Variants in DNASE1 observed in about 807,000 individuals in gnomAD.
The protein encoded by DNASE1 is deoxyribonuclease-1.
In DNASE1, 40 loss-of-function variants were observed where a neutral mutation model predicts 33.9. That is an observed-to-expected ratio of 1.18 (90% CI 0.92 to 1.54). DNASE1 has a LOEUF of 1.54. Ranked by LOEUF, DNASE1 falls within the 40% of genes most tolerant of loss-of-function variation. DNASE1 has a pLI of 0.00. For missense variants in DNASE1, 518 were observed against 372.6 expected (o/e 1.39, Z -3.21); for synonymous variants, 216 against 160.0 (o/e 1.35, Z -2.64).
Position 3,656,694 on chromosome 16 carries a change from G to T in DNASE1, c.377G>T (p.Cys126Phe), listed in dbSNP as rs1299360397. The change falls in exon 5 of 9, where the codon TGC (cysteine) becomes TTC (phenylalanine). Residue 126 changes from cysteine (C) to phenylalanine (F), a missense_variant. Cys to Phe is a radical substitution (Grantham distance 205). Transcript: ENST00000246949. ...TACTACGATGATGGCTGCGAGCCCT[G>T]CGGGAACGACACCTTCAACCGAGAG... ...SYYYDDGCEP[C>F]GNDTFNREPA... 1 of 1,613,276 alleles carries T rather than the reference G, an allele frequency of 6.2e-7. No individual in the cohort carries two copies. Among genetic ancestry groups the T allele is most frequent in the African/African-American group, 1.3e-5 (1 of 74,914 alleles).
chr16:3,662,054 G>A (rs2043109661), downstream of DNASE1: 9 of 1,613,476 alleles, frequency 5.6e-6, no homozygotes, highest in Middle Eastern at 1.7e-4. Context: ...GCCAGCTGCT[G>A]CATGCGCAGG....
chr16:3,623,171 A>G (rs773124841), intron 1 of DNASE1, among the ~76,000 whole-genome samples: 1 of 152,188 alleles, frequency 6.6e-6, no homozygotes, highest in African/African-American at 2.4e-5. Context: ...CAGAATAGAG[A>G]ACCCAGAAGT....
At chr16:3,645,398 G>C (rs868371728) in intron 1 of DNASE1, among the ~76,000 whole-genome samples, 1 of 152,202 alleles carries the variant, frequency 6.6e-6, no homozygotes, top group African/African-American at 2.4e-5. Flanking sequence ...GTTGCAGTTC[G>C]CCTTGTGGCT....
downstream of DNASE1, chr16:3,658,191 C>G (rs61756352): frequency 1.9e-6 from 3 of 1,613,922 alleles, no homozygotes; most frequent in East Asian, 2.2e-5. Context: ...GCCCTAGGGT[C>G]GTCAACAAGT....
intron 4 of DNASE1, among the ~76,000 whole-genome samples, 189 bp from the exon 5 acceptor site, chr16:3,656,449 G>A (rs1278779732): frequency 3.5e-5 from 4 of 113,538 alleles, no homozygotes; most frequent in Admixed American, 8.2e-5. Flanking sequence ...CCTGGGTCCC[G>A]GACCAATGGG....
Position 3,657,322 on chromosome 16 carries a change from A to G in DNASE1, c.685A>G (p.Thr229Ala). 1 of 1,613,498 alleles carries G rather than the reference A, an allele frequency of 6.2e-7. No homozygotes were observed. Among genetic ancestry groups the G allele is most frequent in the Non-Finnish European group, 8.5e-7 (1 of 1,180,006 alleles). The part of the protein sequence containing the change: ...PDSADTTATP[T>A]HCAYDRIVVA... ...CAGCGCTGACACCACAGCTACACCC[A>G]CGCACTGTGCCTATGACAGGTGAGC... The change falls in exon 7 of 9, where the codon ACG (threonine) becomes GCG (alanine). Residue 229 changes from threonine (T) to alanine (A), a missense_variant. Transcript: ENST00000246949.
chr16:3,635,708 G>GTT (rs544957481), intron 1 of DNASE1, among the ~76,000 whole-genome samples: 1 of 143,364 alleles, frequency 7.0e-6, no homozygotes, highest in African/African-American at 2.5e-5. Context: ...GGTTAATAGG[G>GTT]TTTTTTTTTT....
chr16:3,638,360 C>T (rs1218347981), upstream of DNASE1, among the ~76,000 whole-genome samples: 17 of 152,030 alleles, frequency 1.1e-4, no homozygotes, highest in South Asian at 1.5e-3. Flanking sequence ...TTTTTTGAGG[C>T]GGAGTCTCGC....
chr16:3,640,928 G>A (rs1412002223), upstream of DNASE1: 2 of 398,534 alleles, frequency 5.0e-6, no homozygotes, highest in Non-Finnish European at 8.8e-6. Context: ...CAGAGCCACT[G>A]TCCTGTCTCG....
intron 1 of DNASE1, among the ~76,000 whole-genome samples, chr16:3,612,705 G>A (rs2040943292): frequency 6.6e-6 from 1 of 152,030 alleles, no homozygotes; most frequent in Non-Finnish European, 1.5e-5. Flanking sequence ...CACCACGCCC[G>A]GCGTAAGATT....
chr16:3,655,823 C>G (rs770814365), intron 2 of DNASE1, 26 bp from the exon 3 acceptor site: 2 of 1,612,330 alleles, frequency 1.2e-6, no homozygotes, highest in Non-Finnish European at 1.7e-6. Flanking sequence ...CAGCCCTGCT[C>G]AGCACCACTG....
intron 1 of DNASE1, among the ~76,000 whole-genome samples, chr16:3,633,452 CA>C (rs1194763787): frequency 1.3e-5 from 2 of 152,008 alleles, no homozygotes; most frequent in East Asian, 1.9e-4. Context: ...ACTAAAAATA[CA>C]AAAAATTAGC....
In DNASE1 at chr16:3,657,735, G is replaced by A. The variant is rs917627621; in HGVS notation, c.720G>A (p.Gly240=). Residue 240 remains glycine, a synonymous_variant, in exon 8 of 9, where the codon GGG becomes GGA. Transcript: ENST00000246949. ...HCAYDRIVVA[G]MLLRGAVVPD... is the part of the protein sequence containing the mutation. ...CACCCATCAGGATCGTGGTTGCAGGGATGCTGCTCCGAGGCGCCGTTGTTC... is the reference window on the plus strand; with the variant it reads ...CACCCATCAGGATCGTGGTTGCAGGAATGCTGCTCCGAGGCGCCGTTGTTC... 5.0e-6 allele frequency: 8 copies of A among 1,613,934 alleles called. No individual in the cohort carries two copies. Among genetic ancestry groups the A allele is most frequent in the South Asian group, 4.4e-5 (4 of 91,084 alleles).
chr16:3,635,198 C>G (rs994086213), intron 1 of DNASE1, among the ~76,000 whole-genome samples: 1 of 152,004 alleles, frequency 6.6e-6, no homozygotes, highest in African/African-American at 2.4e-5. Context: ...TGGCTTTTGC[C>G]TGTAATCCCA....
chr16:3,654,132 CA>C (rs1052571579), upstream of DNASE1: 17 of 369,306 alleles, frequency 4.6e-5, no homozygotes, highest in African/African-American at 3.5e-4. Context: ...AAACCCAAAA[CA>C]AAAGAACCAA....
Position 3,618,250 on chromosome 16 carries a change from TAAAA to T in DNASE1, c.-1359+6259_-1359+6262del, listed in dbSNP as rs34169414. ...CATGGCCAGTAGGACAGCCATTTCC[TAAAA>T]AAAAAAAAAAAAAAGTATTGGTGAG... is the stretch of plus-strand genomic sequence containing the variant. On this transcript the variant is annotated intron_variant and NMD_transcript_variant, in intron 1 of 11. Transcript: ENST00000570769. Among the ~76,000 whole-genome samples, 4 of 120,228 alleles carry T rather than the reference TAAAA, an allele frequency of 3.3e-5. No homozygotes were observed. The Admixed American group carries it at 3.5e-4, about 10-fold the overall frequency. The allele number at this position is 120,228 out of a possible 152,430, so 78.9% of individuals were successfully genotyped here.
Position 3,664,463 on chromosome 16 carries a change from G to C in DNASE1, c.*6510G>C, listed in dbSNP as rs1383183267. 29 of 1,607,296 alleles carry C rather than the reference G, an allele frequency of 1.8e-5. No homozygotes were observed. The East Asian group carries it at 6.3e-4, about 35-fold the overall frequency. ...GCAGCAGCTTTGCTATGTCCTCCTA[G>C]AAGGGACGGGGCAGGTCACCACTTA... On this transcript the variant is annotated 3_prime_UTR_variant, in exon 10 of 10. Coordinates refer to the DNASE1 transcript ENST00000407479.
At chr16:3,635,784 A>G (rs2041852276) in intron 1 of DNASE1, among the ~76,000 whole-genome samples, 1 of 151,706 alleles carries the variant, frequency 6.6e-6, no homozygotes, top group Non-Finnish European at 1.5e-5. Context: ...AAGAAGTGTG[A>G]TGTAATTCTT....
At position 3,631,466 on chromosome 16, in the gene DNASE1, A is replaced by C. The variant is rs543609901; in HGVS notation, c.-1358-9249A>C. 2.0e-5 allele frequency among the ~76,000 whole-genome samples: 3 copies of C among 152,016 alleles called. No homozygotes were observed. In the East Asian group the frequency reaches 5.8e-4, roughly 29 times the overall value. The stretch of plus-strand genomic sequence containing the variant: ...GTGATCCACCTGCCTCGGCCTCCCA[A>C]AGTGCTGAGATTACAGGTGTGAGCC... On this transcript the variant is annotated intron_variant and NMD_transcript_variant, in intron 1 of 11. Transcript: ENST00000570769.
Sources: gnomAD v4.1 joint callset for allele counts (sites outside exome capture counted in the v4.1 genomes callset) on GRCh38, gnomAD v4.1.1 for gene constraint, MANE v1.5 for transcripts, NCBI Gene and HGNC (gene_info 2026-07-23, HGNC 2026-07-21) for gene names.